LGR6: variants seen among roughly 807,000 people sequenced by gnomAD.
LGR6 encodes the protein leucine rich repeat containing G protein-coupled receptor 6.
In LGR6, 45 loss-of-function variants were observed where a neutral mutation model predicts 69.4. That is an observed-to-expected ratio of 0.65 (90% confidence interval 0.51 to 0.83). The LOEUF (loss-of-function observed/expected upper bound fraction) is 0.83. Among genes scored for constraint, LGR6 ranks in the 40% least tolerant of loss-of-function variants. The pLI, the probability that LGR6 is intolerant of heterozygous loss-of-function variation, is 0.00. For synonymous variants in LGR6, 538 were observed against 555.0 expected (o/e 0.97, Z 0.43); for missense variants, 1,108 against 1,246.7 (o/e 0.89, Z 1.68).
chr1:202,240,414 G>C (rs1216812343), intron 4 of LGR6, among the ~76,000 whole-genome samples: 1 of 151,662 alleles, frequency 6.6e-6, no homozygotes, highest in Non-Finnish European at 1.5e-5. Context: ...CGAATGAACA[G>C]CACAAGGTGA....
chr1:202,233,112 G>T (rs898279145), intron 3 of LGR6, among the ~76,000 whole-genome samples: 10 of 152,222 alleles, frequency 6.6e-5, no homozygotes, highest in Non-Finnish European at 8.8e-5. Flanking sequence ...AGTTGTCTCG[G>T]GGAGACAATG....
intron 1 of LGR6, among the ~76,000 whole-genome samples, chr1:202,204,737 ACAC>A (rs1659035601): frequency 1.4e-5 from 2 of 146,444 alleles, no homozygotes; most frequent in Admixed American, 6.8e-5. Context: ...TCAAACACAC[ACAC>A]ACCTCCAAAC....
intron 4 of LGR6, among the ~76,000 whole-genome samples, chr1:202,266,364 G>A (rs1474581314): frequency 6.6e-6 from 1 of 152,094 alleles, no homozygotes; most frequent in Admixed American, 6.5e-5. Flanking sequence ...ACCCCTCCTT[G>A]AGCAGGTGAA....
At chr1:202,228,717 G>A (rs556395623) in intron 3 of LGR6, among the ~76,000 whole-genome samples, 1 of 152,300 alleles carries the variant, frequency 6.6e-6, no homozygotes, top group Non-Finnish European at 1.5e-5. Context: ...CTTATGATGA[G>A]TGAGGGCAAG....
chr1:202,240,688 G>A lies in LGR6; in HGVS notation c.428+4695G>A, dbSNP rs1320872474. 3.9e-5 allele frequency among the ~76,000 whole-genome samples: 6 copies of A among 152,292 alleles called. No individual in the cohort carries two copies. The East Asian group carries it at 7.7e-4, about 20-fold the overall frequency. On this transcript the variant is annotated intron_variant, in intron 4 of 17. Transcript: ENST00000367278. ...GGGAGAGACCGCTTCAGGCCCCACA[G>A]CAAGGTGCTACTCTATCTTATTCAG...
intron 6 of LGR6, among the ~76,000 whole-genome samples, chr1:202,291,844 A>G (rs1012319742): frequency 4.6e-5 from 7 of 152,228 alleles, no homozygotes; most frequent in South Asian, 2.1e-4. Context: ...TGACTATTAC[A>G]TAGTAATTAC....
At chr1:202,228,123 C>T in intron 3 of LGR6, 116 bp downstream of exon 3, 2 of 640,620 alleles carry the variant, frequency 3.1e-6, no homozygotes, top group Admixed American at 5.8e-5. Context: ...ATTTCCTTAT[C>T]TTCACTTTCA....
At position 202,306,880 on chromosome 1, in the gene LGR6, C is replaced by G. The variant is rs1451838468; in HGVS notation, c.1149C>G (p.His383Gln). ...CQKLEEIGLQHNRIWEIGADT... is the reference protein window; with the variant it reads ...CQKLEEIGLQQNRIWEIGADT... Reference sequence around the variant, plus strand: ...CTTGCTGCCCTAGCGGCCTCCAACACAACCGCATCTGGGAAATTGGAGCTG... The same window carrying G: ...CTTGCTGCCCTAGCGGCCTCCAACAGAACCGCATCTGGGAAATTGGAGCTG... Residue 383 changes from histidine (H) to glutamine (Q), a missense_variant, in exon 13 of 18, where the codon CAC becomes CAG. Physicochemically the swap from His to Gln is conservative, Grantham distance 24 (BLOSUM62 0). Coordinates refer to ENST00000367278, the MANE Select transcript of LGR6 (RefSeq NM_001017403.2). The G allele has an allele frequency of 2.5e-6, 4 of 1,614,004 alleles. No individual in the cohort carries two copies. In the African/African-American group the frequency reaches 5.3e-5, roughly 22 times the overall value.
At chr1:202,241,393 G>C (rs1199099885) in intron 4 of LGR6, among the ~76,000 whole-genome samples, 1 of 152,198 alleles carries the variant, frequency 6.6e-6, no homozygotes, top group Non-Finnish European at 1.5e-5. Flanking sequence ...GTGTGAGTGA[G>C]GAGTGGGGCT....
At chr1:202,240,991 A>T (rs951161603) in intron 4 of LGR6, among the ~76,000 whole-genome samples, 2 of 152,162 alleles carry the variant, frequency 1.3e-5, no homozygotes, top group African/African-American at 2.4e-5. Flanking sequence ...CTGTTATCAG[A>T]TGAAGAAATA....
At chr1:202,202,660 T>C (rs1658877581) in intron 1 of LGR6, among the ~76,000 whole-genome samples, 1 of 152,222 alleles carries the variant, frequency 6.6e-6, no homozygotes, top group Non-Finnish European at 1.5e-5. Flanking sequence ...ATGGGAGCTA[T>C]GGTTATTATC....
At chr1:202,308,027 C>A (rs1558082329) in intron 14 of LGR6, among the ~76,000 whole-genome samples, 1 of 152,198 alleles carries the variant, frequency 6.6e-6, no homozygotes, top group Non-Finnish European at 1.5e-5. Context: ...AAGCTGGACT[C>A]CTAAAAGCAC....
rs192026840 is a variant in LGR6, at chr1:202,248,141, G to A, written c.428+12148G>A. ...ACACCAGGCTCCTTCCCTGGCCACC[G>A]GCTGAGGCTGCGTGGGTGGAGGCTG... On this transcript the variant is annotated intron_variant, in intron 4 of 17. Transcript: ENST00000367278. Among the ~76,000 whole-genome samples, 103 of 152,338 alleles carry A rather than the reference G, an allele frequency of 6.8e-4. 1 individual carries two copies. The highest frequency in any genetic ancestry group is 2.4e-3 in the African/African-American group (99 of 41,584).
At chr1:202,297,112 G>T (rs1190950713) in intron 6 of LGR6, among the ~76,000 whole-genome samples, 1 of 152,170 alleles carries the variant, frequency 6.6e-6, no homozygotes, top group Non-Finnish European at 1.5e-5. Flanking sequence ...GGTCACCTGA[G>T]GAACCTTCTG....
intron 14 of LGR6, among the ~76,000 whole-genome samples, 192 bp downstream of exon 14, chr1:202,307,593 G>A (rs943379548): frequency 1.3e-5 from 2 of 152,188 alleles, no homozygotes; most frequent in African/African-American, 2.4e-5. Context: ...CCTGCCTCTT[G>A]TAAGCTCTGG....
rs142083498 is a variant in LGR6, at chr1:202,276,467, G to A, written c.590G>A (p.Arg197His). 56 of 1,613,922 alleles carry A rather than the reference G, an allele frequency of 3.5e-5. No homozygotes were observed. The African/African-American group carries it at 5.6e-4, about 16-fold the overall frequency. The change falls in exon 5 of 18, where the codon CGC becomes CAC. Residue 197 changes from arginine (R) to histidine (H), a missense_variant. Transcript: ENST00000367278. ...CAGGCCATGACCCTGGCCCTCAACCGCATCAGCCACATCCCCGACTACGCG... is the reference window on the plus strand; with the variant it reads ...CAGGCCATGACCCTGGCCCTCAACCACATCAGCCACATCCCCGACTACGCG... ...ALQAMTLALN[R>H]ISHIPDYAFQ...
intron 4 of LGR6, among the ~76,000 whole-genome samples, chr1:202,272,018 A>G (rs570233508): frequency 6.6e-6 from 1 of 152,218 alleles, no homozygotes; most frequent in South Asian, 2.1e-4. Flanking sequence ...AAAGGAGGGT[A>G]TTTGTGGCTA....
chr1:202,206,428 T>C (rs979491975), intron 1 of LGR6, among the ~76,000 whole-genome samples: 3 of 152,248 alleles, frequency 2.0e-5, no homozygotes, highest in African/African-American at 7.2e-5. Flanking sequence ...TGCTTCAGCA[T>C]GTGTGACTGG....
intron 4 of LGR6, among the ~76,000 whole-genome samples, chr1:202,263,415 C>T (rs557537597): frequency 2.7e-4 from 41 of 152,274 alleles, no homozygotes; most frequent in African/African-American, 8.4e-4. Flanking sequence ...TGAGCCACCG[C>T]GCCCGGCCAG....
Sources: gnomAD v4.1 joint callset for allele counts (sites outside exome capture counted in the v4.1 genomes callset) on GRCh38, gnomAD v4.1.1 for gene constraint, MANE v1.5 for transcripts, NCBI Gene and HGNC (gene_info 2026-07-23, HGNC 2026-07-21) for gene names.